Variants in HDAC3 observed in about 807,000 individuals in gnomAD.
The protein encoded by HDAC3 is histone deacetylase 3.
In HDAC3, 21 loss-of-function variants were observed where a neutral mutation model predicts 62.3. The observed-to-expected ratio is 0.34, with a 90% CI of 0.24 to 0.49. HDAC3 has a LOEUF of 0.49. HDAC3 is among the 20% of genes least tolerant of loss of function. The pLI, the probability that HDAC3 is intolerant of heterozygous loss-of-function variation, is 0.99. For synonymous variants in HDAC3, 198 were observed against 206.5 expected (o/e 0.96, Z 0.35); for missense variants, 270 against 556.9 (o/e 0.48, Z 5.19).
At chr5:141,624,556 C>CAAA (rs768572344) in intron 14 of HDAC3, among the ~76,000 whole-genome samples, 1 of 67,086 alleles carries the variant, frequency 1.5e-5, no homozygotes, top group African/African-American at 5.6e-5. Context: ...GACCCTGTCT[C>CAAA]AAAAAAAAAA....
intron 3 of HDAC3, among the ~76,000 whole-genome samples, chr5:141,633,074 C>A (rs930378352): frequency 5.9e-5 from 9 of 152,184 alleles, no homozygotes; most frequent in African/African-American, 9.7e-5. Context: ...TATAATACAT[C>A]TAAGGATTGG....
At position 141,629,695 on chromosome 5, in the gene HDAC3, C is replaced by T. The variant is rs1212197881; in HGVS notation, c.465G>A (p.Leu155=). ...CYVNDIVIGI[L]ELLKYHPRVL... ...CCTGGGCTACTTACTTGAGCAGCTCCAGGATGCCAATCACAATGTCGTTGA... is the reference window on the plus strand; with the variant it reads ...CCTGGGCTACTTACTTGAGCAGCTCTAGGATGCCAATCACAATGTCGTTGA... Residue 155 remains leucine (L), a synonymous_variant, in exon 6 of 15, where the codon CTG becomes CTA. Coordinates refer to ENST00000305264, the MANE Select transcript of HDAC3 (RefSeq NM_003883.4). The surrounding 1 kb of genome is among the most constrained non-coding windows in gnomAD (Gnocchi z 5.3). 2 of 1,614,044 alleles carry T rather than the reference C, an allele frequency of 1.2e-6. No individual in the cohort carries two copies. Among genetic ancestry groups the T allele is most frequent in the Admixed American group, 3.3e-5 (2 of 60,020 alleles).
chr5:141,628,848 G>C lies in HDAC3; in HGVS notation c.611-209C>G, dbSNP rs1250007514. 1.3e-5 allele frequency among the ~76,000 whole-genome samples: 2 copies of C among 152,196 alleles called. No homozygotes were observed. Among genetic ancestry groups the C allele is most frequent in the African/African-American group, 4.8e-5 (2 of 41,452 alleles). On this transcript the variant is annotated intron_variant, in intron 7 of 14. Transcript: ENST00000305264. This position sits in a 1 kb window ranked among gnomAD's most constrained non-coding sequence, Gnocchi z 4.7. Reference sequence around the variant, plus strand: ...GAGCCAACTGTGTACTAGGCAGTAGGGATGCAGCAACGAATGGAACTAATG... The same window carrying C: ...GAGCCAACTGTGTACTAGGCAGTAGCGATGCAGCAACGAATGGAACTAATG...
In HDAC3 at chr5:141,625,566, G is replaced by A. The variant is rs543393701; in HGVS notation, c.1059+119C>T. 4.7e-5 allele frequency: 54 copies of A among 1,156,402 alleles called. No individual in the cohort carries two copies. The African/African-American group carries it at 7.8e-4, about 17-fold the overall frequency. 71.6% of individuals were successfully genotyped at this position (1,156,402 alleles called of 1,614,324 possible). ...CTGGACTGCCTCCTAGTCAATAACA[G>A]TGACTGTGATGGCTTAGAACTTCCT... On this transcript the variant is annotated intron_variant, in intron 13 of 14. Transcript: ENST00000305264. This position sits in a 1 kb window ranked among gnomAD's most constrained non-coding sequence, Gnocchi z 4.0.
chr5:141,625,690 G>A lies in HDAC3; in HGVS notation c.1054C>T (p.Arg352Cys), dbSNP rs1562365869. 9 of 1,614,046 alleles carry A rather than the reference G, an allele frequency of 5.6e-6. No individual in the cohort carries two copies. The highest frequency in any genetic ancestry group is 1.7e-5 in the Admixed American group (1 of 60,032). The change falls in exon 13 of 15, where the codon CGC becomes TGC. Residue 352 changes from arginine to cysteine, a missense_variant. Transcript: ENST00000305264. This position sits in a 1 kb window ranked among gnomAD's most constrained non-coding sequence, Gnocchi z 4.0. Reference protein sequence around the residue: ...VSTRIENQNSRQYLDQIRQTI... With the variant: ...VSTRIENQNSCQYLDQIRQTI... Reference sequence around the variant, plus strand: ...AGCTTTTCTGAGCTGCTGACCTGGCGTGAGTTCTGATTCTCGATGCGGGTG... The same window carrying A: ...AGCTTTTCTGAGCTGCTGACCTGGCATGAGTTCTGATTCTCGATGCGGGTG...
intron 14 of HDAC3, among the ~76,000 whole-genome samples, chr5:141,624,627 CCACT>C (rs2099904203): frequency 6.6e-6 from 1 of 151,274 alleles, no homozygotes; most frequent in Admixed American, 6.6e-5. Flanking sequence ...ACTATCTAAC[CCACT>C]CAAACAAGAA....
Position 141,628,725 on chromosome 5 carries a change from C to A in HDAC3, c.611-86G>T. On this transcript the variant is annotated intron_variant, in intron 7 of 14. Transcript: ENST00000305264. The surrounding 1 kb of genome is among the most constrained non-coding windows in gnomAD (Gnocchi z 4.7). ...GCCCCAATCTGCACTCTGGGAGCCT[C>A]TCATTCCATCTATGTAGCTTCACCA... 1.1e-6 allele frequency: 1 copy of A among 915,426 alleles called. No homozygotes were observed. The highest frequency in any genetic ancestry group is 2.4e-5 in the East Asian group (1 of 41,236). 56.7% of individuals were successfully genotyped at this position (915,426 alleles called of 1,614,324 possible).
Position 141,625,492 on chromosome 5 carries a change from C to G in HDAC3, c.1060-127G>C. On this transcript the variant is annotated intron_variant, in intron 13 of 14. Coordinates refer to ENST00000305264, the MANE Select transcript of HDAC3 (RefSeq NM_003883.4). This position sits in a 1 kb window ranked among gnomAD's most constrained non-coding sequence, Gnocchi z 4.0. ...AGTGGTACCTCTAGTTCAGGTCCCC[C>G]AACTGATAGCTCTCCCTCCCCACCA... 8.5e-7 allele frequency: 1 copy of G among 1,170,430 alleles called. No individual in the cohort carries two copies. 72.5% of individuals were successfully genotyped at this position (1,170,430 alleles called of 1,614,324 possible).
Position 141,628,407 on chromosome 5 carries a change from T to C in HDAC3, c.691+152A>G, listed in dbSNP as rs1596440174. The C allele has an allele frequency of 1.7e-5, 13 of 748,492 alleles. No homozygotes were observed. The East Asian group carries it at 2.9e-4, about 17-fold the overall frequency. The allele number at this position is 748,492 out of a possible 1,614,324, so 46.4% of individuals were successfully genotyped here. ...GAAAAATGCACATACACATGATATG[T>C]TGCATACAATTTCCAGAGATTCATG... On this transcript the variant is annotated intron_variant, in intron 8 of 14. Coordinates refer to ENST00000305264, the MANE Select transcript of HDAC3 (RefSeq NM_003883.4). This position sits in a 1 kb window ranked among gnomAD's most constrained non-coding sequence, Gnocchi z 4.7.
At position 141,628,645 on chromosome 5, in the gene HDAC3, G is replaced by A; in HGVS notation, c.611-6C>T. ...CCCGACTTCATACATGTCACCTGTA[G>A]GGAAGTGGGTGGTGGTAGCCACACA... is the stretch of plus-strand genomic sequence containing the variant. On this transcript the variant is annotated splice_region_variant and splice_polypyrimidine_tract_variant and intron_variant, in intron 7 of 14. Coordinates refer to ENST00000305264, the MANE Select transcript of HDAC3 (RefSeq NM_003883.4). The surrounding 1 kb of genome is among the most constrained non-coding windows in gnomAD (Gnocchi z 4.7). The A allele has an allele frequency of 6.2e-7, 1 of 1,612,748 alleles. No homozygotes were observed. The highest frequency in any genetic ancestry group is 8.5e-7 in the Non-Finnish European group (1 of 1,179,020).
chr5:141,630,084 G>A lies in HDAC3; in HGVS notation c.323C>T (p.Thr108Ile). 6.2e-7 allele frequency: 1 copy of A among 1,614,188 alleles called. No homozygotes were observed. Among genetic ancestry groups the A allele is most frequent in the Non-Finnish European group, 8.5e-7 (1 of 1,180,052 alleles). ...PGLFEFCSRYTGASLQGATQL... is the reference protein window; with the variant it reads ...PGLFEFCSRYIGASLQGATQL... ...GGTTGCTCCTTGCAGAGATGCGCCTGTGTAACGCGAGCAGAACTCAAAGAG... is the reference window on the plus strand; with the variant it reads ...GGTTGCTCCTTGCAGAGATGCGCCTATGTAACGCGAGCAGAACTCAAAGAG... Residue 108 changes from threonine to isoleucine, a missense_variant, in exon 4 of 15, where the codon ACA (threonine) becomes ATA (isoleucine). Physicochemically the swap from Thr to Ile is moderately conservative, Grantham distance 89. Around this residue, in one of 5 missense-constraint regions of HDAC3, gnomAD observed 156 missense variants for 383.9 expected, o/e 0.41. Coordinates refer to ENST00000305264, the MANE Select transcript of HDAC3 (RefSeq NM_003883.4).
chr5:141,634,344 G>A (rs1001552013), intron 3 of HDAC3, among the ~76,000 whole-genome samples: 3 of 151,908 alleles, frequency 2.0e-5, no homozygotes, highest in South Asian at 2.1e-4. Flanking sequence ...TTCCTCAAAT[G>A]AGTCATACTC....
chr5:141,632,449 A>T (rs2099905360), intron 3 of HDAC3, among the ~76,000 whole-genome samples: 1 of 152,200 alleles, frequency 6.6e-6, no homozygotes, highest in Non-Finnish European at 1.5e-5. Flanking sequence ...TCTCATCGGA[A>T]ATACAGATAA....
Position 141,626,799 on chromosome 5 carries a change from T to C in HDAC3, c.831-516A>G, listed in dbSNP as rs566804528. ...GTGTGTGTGTGTATATATATATATA[T>C]ACACACACACACACACACACCTCTC... On this transcript the variant is annotated intron_variant, in intron 10 of 14. Coordinates refer to ENST00000305264, the MANE Select transcript of HDAC3 (RefSeq NM_003883.4). The surrounding 1 kb of genome is among the most constrained non-coding windows in gnomAD (Gnocchi z 4.6). 4.8e-3 allele frequency among the ~76,000 whole-genome samples: 658 copies of C among 136,390 alleles called. 6 individuals are homozygous for C. Among genetic ancestry groups the C allele is most frequent in the African/African-American group, 0.013 (473 of 37,048 alleles). 89.5% of individuals were successfully genotyped at this position (136,390 alleles called of 152,430 possible). A position where few individuals can be genotyped will look rare whatever the true frequency, so the allele number is the denominator to read the frequency against.
chr5:141,625,114 A>G lies in HDAC3; in HGVS notation c.1217+94T>C, dbSNP rs2099904276. On this transcript the variant is annotated intron_variant, in intron 14 of 14. Coordinates refer to ENST00000305264, the MANE Select transcript of HDAC3 (RefSeq NM_003883.4). The surrounding 1 kb of genome is among the most constrained non-coding windows in gnomAD (Gnocchi z 4.0). The stretch of plus-strand genomic sequence containing the variant: ...TAGCAGACTAAAGGAGGTAAGCCAG[A>G]GGCAATTAAACTAATACCTTCCCAT... 1 of 1,131,938 alleles carries G rather than the reference A, an allele frequency of 8.8e-7. No homozygotes were observed. The highest frequency in any genetic ancestry group is 1.3e-6 in the Non-Finnish European group (1 of 798,742). The allele number at this position is 1,131,938 out of a possible 1,614,324, so 70.1% of individuals were successfully genotyped here.
Position 141,621,110 on chromosome 5 carries a change from G to A in HDAC3, c.*358C>T. On this transcript the variant is annotated 3_prime_UTR_variant, in exon 15 of 15. Transcript: ENST00000305264. Reference sequence around the variant, plus strand: ...GAACCCAGGGGAGGAGGAAGTCAGAGGCAATCTCAGTCCTTGTCTACCCGT... The same window carrying A: ...GAACCCAGGGGAGGAGGAAGTCAGAAGCAATCTCAGTCCTTGTCTACCCGT... 1 of 255,166 alleles carries A rather than the reference G, an allele frequency of 3.9e-6. No homozygotes were observed. Among genetic ancestry groups the A allele is most frequent in the Non-Finnish European group, 7.6e-6 (1 of 131,154 alleles). 15.8% of individuals were successfully genotyped at this position (255,166 alleles called of 1,614,324 possible).
chr5:141,628,495 A>G lies in HDAC3; in HGVS notation c.691+64T>C. On this transcript the variant is annotated intron_variant, in intron 8 of 14. Coordinates refer to ENST00000305264, the MANE Select transcript of HDAC3 (RefSeq NM_003883.4). This position sits in a 1 kb window ranked among gnomAD's most constrained non-coding sequence, Gnocchi z 4.7. ...CCCAACAGCAGACAATACCAGGCAG[A>G]AGAGGTTATTTCAAGGAGAAAAAGA... 4 of 1,308,678 alleles carry G rather than the reference A, an allele frequency of 3.1e-6. No homozygotes were observed. The highest frequency in any genetic ancestry group is 1.8e-4 in the Middle Eastern group (1 of 5,518). 81.1% of individuals were successfully genotyped at this position (1,308,678 alleles called of 1,614,324 possible).
chr5:141,628,147 C>T lies in HDAC3; in HGVS notation c.732G>A (p.Val244=). 3 of 1,614,126 alleles carry T rather than the reference C, an allele frequency of 1.9e-6. No individual in the cohort carries two copies. The highest frequency in any genetic ancestry group is 1.7e-5 in the Admixed American group (1 of 60,018). ...CAATGCACGTGGGTTGGTAGAAGTC[C>T]ACTACCTGGTTGATAACCGGCTGGA... The part of the protein sequence containing the change: ...HLFQPVINQV[V]DFYQPTCIVL... Residue 244 remains valine, a synonymous_variant, in exon 9 of 15, where the codon GTG becomes GTA. Transcript: ENST00000305264. The surrounding 1 kb of genome is among the most constrained non-coding windows in gnomAD (Gnocchi z 4.7).
In HDAC3 at chr5:141,625,291, A is replaced by G. The variant is rs769208786; in HGVS notation, c.1134T>C (p.His378=). 4.3e-5 allele frequency: 69 copies of G among 1,614,060 alleles called. No homozygotes were observed. Among genetic ancestry groups the G allele is most frequent in the Non-Finnish European group, 5.8e-5 (69 of 1,180,034 alleles). ...AGGTCAGGAGGTCTGCAGGCACGTC[A>G]TGAATCTGGACACTAGGTGCATGGT... The part of the protein sequence containing the change: ...MLNHAPSVQI[H]DVPADLLTYD... Residue 378 remains histidine, a synonymous_variant, in exon 14 of 15, where the codon CAT becomes CAC. Coordinates refer to ENST00000305264, the MANE Select transcript of HDAC3 (RefSeq NM_003883.4). The surrounding 1 kb of genome is among the most constrained non-coding windows in gnomAD (Gnocchi z 4.0).
Sources: gnomAD v4.1 joint callset for allele counts (sites outside exome capture counted in the v4.1 genomes callset) on GRCh38, gnomAD v4.1.1 for gene constraint, gnomAD v4.1.1 regional missense constraint, Gnocchi (gnomAD v3.1) non-coding constraint, MANE v1.5 for transcripts, NCBI Gene and HGNC (gene_info 2026-07-23, HGNC 2026-07-21) for gene names.